Variants in FHDC1 observed in about 807,000 individuals in gnomAD.
FHDC1 encodes the protein FH2 domain containing 1.
A neutral mutation model predicts 52.6 loss-of-function variants in FHDC1; 25 were observed. The observed-to-expected ratio is 0.48, with a 90% CI of 0.35 to 0.66. FHDC1 has a LOEUF of 0.66. Ranked by LOEUF, FHDC1 falls within the 30% of genes least tolerant of loss-of-function variation. The pLI is 0.01. For missense variants in FHDC1, 1,459 were observed against 1,452.8 expected (o/e 1.00, Z -0.07); for synonymous variants, 616 against 581.5 (o/e 1.06, Z -0.85).
At chr4:152,956,187 A>T (rs1740079137) in intron 4 of FHDC1, among the ~76,000 whole-genome samples, 2 of 152,306 alleles carry the variant, frequency 1.3e-5, no homozygotes, top group East Asian at 1.9e-4. Flanking sequence ...TTTTAAAATG[A>T]TGTACTTGCT....
At position 152,949,170 on chromosome 4, in the gene FHDC1, A is replaced by AAGC. The variant is rs70949624; in HGVS notation, c.499-4326_499-4324dup. On this transcript the variant is annotated intron_variant, in intron 2 of 11. Transcript: ENST00000511601. The stretch of plus-strand genomic sequence containing the variant: ...GAAGAAGAAGAAGAAGAAGAAGAAG[A>AAGC]AGCAGAAGAAGAAAATGGTTATGGA... Among the ~76,000 whole-genome samples the AAGC allele has an allele frequency of 8.9e-3, 1,266 of 142,046 alleles. 11 individuals carry two copies. The highest frequency in any genetic ancestry group is 0.019 in the Middle Eastern group (5 of 266). 93.2% of individuals were successfully genotyped at this position (142,046 alleles called of 152,430 possible).
intron 2 of FHDC1, among the ~76,000 whole-genome samples, chr4:152,946,655 G>T (rs1021467509): frequency 6.6e-6 from 1 of 152,136 alleles, no homozygotes; most frequent in Non-Finnish European, 1.5e-5. Context: ...TTCAGCAGAG[G>T]GACTGCTCCT....
At chr4:152,933,805 A>G (rs1739296531), upstream of FHDC1, among the ~76,000 whole-genome samples, 1 of 151,986 alleles carries the variant, frequency 6.6e-6, no homozygotes. Context: ...CTTGAGTGAA[A>G]TGGGACGCAT....
At chr4:152,928,671 G>A in the FHDC1 span, among the ~76,000 whole-genome samples, 2 of 152,120 alleles carry the variant, frequency 1.3e-5, no homozygotes, top group African/African-American at 4.8e-5. Flanking sequence ...TGGAGCATGT[G>A]GGGGAAGAGA....
chr4:152,975,816 C>G lies in FHDC1; in HGVS notation c.2525C>G (p.Pro842Arg). The G allele has an allele frequency of 6.6e-7, 1 of 1,522,530 alleles. No individual in the cohort carries two copies. The highest frequency in any genetic ancestry group is 8.8e-7 in the Non-Finnish European group (1 of 1,136,714). 94.3% of individuals were successfully genotyped at this position (1,522,530 alleles called of 1,614,324 possible). A position where few individuals can be genotyped will look rare whatever the true frequency, so the allele number is the denominator to read the frequency against. Reference protein sequence around the residue: ...APAPVSVDSEPSCKGGLPRDK... With the variant: ...APAPVSVDSERSCKGGLPRDK... The stretch of plus-strand genomic sequence containing the variant: ...GCCCCCGTCTCTGTGGATAGTGAGC[C>G]CAGCTGCAAGGGCGGCCTGCCCAGG... The change falls in exon 12 of 12, where the codon CCC becomes CGC. Residue 842 changes from proline to arginine, a missense_variant. Physicochemically the swap from Pro to Arg is moderately radical, Grantham distance 103 (BLOSUM62 -2). This residue lies in a region of FHDC1 where 939 missense variants were observed against 854.5 expected (regional missense o/e 1.10). Transcript: ENST00000511601.
chr4:152,940,984 G>C (rs1042642651), intron 1 of FHDC1, among the ~76,000 whole-genome samples: 1 of 152,172 alleles, frequency 6.6e-6, no homozygotes, highest in African/African-American at 2.4e-5. Flanking sequence ...CTGTATGTCA[G>C]CTTGGAAAAA....
chr4:152,960,085 C>T (rs555851984), intron 4 of FHDC1, among the ~76,000 whole-genome samples: 1 of 152,294 alleles, frequency 6.6e-6, no homozygotes, highest in South Asian at 2.1e-4. Flanking sequence ...TGTGTTAGAT[C>T]TTACTCAGTC....
chr4:152,943,483 A>G lies in FHDC1; in HGVS notation c.426A>G (p.Glu142=). The change falls in exon 2 of 12, where the codon GAA becomes GAG. Residue 142 remains glutamate (E), a synonymous_variant. Transcript: ENST00000511601. ...TTGAGGAGCTCTTTGGGCAGCAGGA[A>G]GACACCACCAAGTCTTCCCTTCCTA... is the stretch of plus-strand genomic sequence containing the variant. ...KTIEELFGQQ[E]DTTKSSLPRR... is the part of the protein sequence containing the mutation. 1.2e-6 allele frequency: 2 copies of G among 1,614,168 alleles called. No individual in the cohort carries two copies. The highest frequency in any genetic ancestry group is 1.3e-5 in the African/African-American group (1 of 75,044).
At chr4:152,927,919 G>A in the FHDC1 span, 1 of 1,424,948 alleles carries the variant, frequency 7.0e-7, no homozygotes, top group Non-Finnish European at 9.9e-7. Flanking sequence ...GAGCTGTGAA[G>A]CGTAAGAGCT....
intron 5 of FHDC1, 23 bp from the exon 6 acceptor site, chr4:152,960,721 A>G (rs1171984182): frequency 6.2e-7 from 1 of 1,611,192 alleles, no homozygotes; most frequent in Non-Finnish European, 8.5e-7. Context: ...CAAATTCTAC[A>G]GTTTTACTTT....
At chr4:152,972,306 C>T (rs887504473) in intron 10 of FHDC1, 71 bp from the exon 11 acceptor site, 14 of 1,434,402 alleles carry the variant, frequency 9.8e-6, no homozygotes, top group African/African-American at 4.4e-5. Flanking sequence ...CTCTGGGCAC[C>T]GGATGCAGTG....
chr4:152,971,000 A>G (rs1004161804), intron 10 of FHDC1, among the ~76,000 whole-genome samples: 1 of 152,244 alleles, frequency 6.6e-6, no homozygotes, highest in Non-Finnish European at 1.5e-5. Context: ...TTTTAAAAAC[A>G]TGATACATGT....
At chr4:152,958,538 C>A (rs1740180460) in intron 4 of FHDC1, among the ~76,000 whole-genome samples, 1 of 152,046 alleles carries the variant, frequency 6.6e-6, no homozygotes, top group Non-Finnish European at 1.5e-5. Context: ...GGAGATTAAT[C>A]ATTGTTCAGT....
At chr4:152,956,340 G>T (rs1256213492) in intron 4 of FHDC1, among the ~76,000 whole-genome samples, 1 of 152,142 alleles carries the variant, frequency 6.6e-6, no homozygotes, top group Admixed American at 6.5e-5. Context: ...GCTTTAAATT[G>T]CTAACTAAAT....
At chr4:152,963,617 A>C (rs532771207) in intron 8 of FHDC1, among the ~76,000 whole-genome samples, 59 of 151,494 alleles carry the variant, frequency 3.9e-4, no homozygotes, top group Non-Finnish European at 5.6e-4. Context: ...CAGAGAATAG[A>C]GGATGGAGGA....
chr4:152,943,624 A>G (rs1370787599), intron 2 of FHDC1, 69 bp downstream of exon 2: 2 of 1,491,738 alleles, frequency 1.3e-6, no homozygotes, highest in Non-Finnish European at 1.8e-6. Flanking sequence ...ATGTGTGTAC[A>G]TTTCAAATAA....
intron 10 of FHDC1, among the ~76,000 whole-genome samples, chr4:152,968,451 G>A (rs979442187): frequency 3.9e-5 from 6 of 152,022 alleles, no homozygotes; most frequent in Admixed American, 2.0e-4. Context: ...TCAGCCTCCC[G>A]AGTAGCTGGG....
At chr4:152,948,515 A>G (rs1017228517) in intron 2 of FHDC1, among the ~76,000 whole-genome samples, 1 of 152,118 alleles carries the variant, frequency 6.6e-6, no homozygotes, top group African/African-American at 2.4e-5. Flanking sequence ...GTGCAGTGGC[A>G]TGATCTCAGC....
the FHDC1 span, among the ~76,000 whole-genome samples, chr4:152,929,203 G>A: frequency 6.6e-6 from 1 of 152,114 alleles, no homozygotes; most frequent in Non-Finnish European, 1.5e-5. This position sits in a 1 kb window ranked among gnomAD's most constrained non-coding sequence, Gnocchi z 4.1. Flanking sequence ...AGGTAGATAA[G>A]AGAGAAATGG....
Sources: gnomAD v4.1 joint callset for allele counts (sites outside exome capture counted in the v4.1 genomes callset) on GRCh38, gnomAD v4.1.1 for gene constraint, gnomAD v4.1.1 regional missense constraint, Gnocchi (gnomAD v3.1) non-coding constraint, MANE v1.5 for transcripts, NCBI Gene and HGNC (gene_info 2026-07-23, HGNC 2026-07-21) for gene names.